CR1: variants seen among roughly 807,000 people sequenced by gnomAD.
The protein encoded by CR1 is complement C3b/C4b receptor 1 (Knops blood group).
Under a neutral mutation model 187.3 loss-of-function variants are expected in CR1, and 116 were observed. The ratio of observed to expected loss-of-function variants is 0.62; its 90% CI spans 0.53 to 0.72. The LOEUF (loss-of-function observed/expected upper bound fraction) is 0.72, where lower values mean the gene tolerates loss of function less well. Among genes scored for constraint, CR1 ranks in the 30% least tolerant of loss-of-function variants. The pLI is 0.00. For missense variants in CR1, 1,731 were observed against 2,110.7 expected, an observed-to-expected ratio of 0.82 and a Z score of 3.52; for synonymous variants, 576 against 747.1, an observed-to-expected ratio of 0.77 and a Z score of 3.73.
At chr1:207,587,673 C>A in intron 34 of CR1, 108 bp downstream of exon 34, 3 of 1,112,132 alleles carry the variant, frequency 2.7e-6, no homozygotes, top group South Asian at 3.6e-5. Flanking sequence ...CCAAGGCTGG[C>A]AGATAGCTTG....
intron 3 of CR1, chr1:207,507,650 C>G (rs1469014563): frequency 6.6e-6 from 1 of 152,256 alleles, no homozygotes; most frequent in African/African-American, 2.4e-5. Flanking sequence ...GTAAGGGGGA[C>G]ACAATTCTCA....
chr1:207,576,100 G>A (rs1441016526), intron 28 of CR1, among the ~76,000 whole-genome samples: 21 of 151,814 alleles, frequency 1.4e-4, no homozygotes, highest in African/African-American at 4.9e-4. Flanking sequence ...TGTCTAAACA[G>A]GATCATGCCA....
chr1:207,612,184 A>C, intron 39 of CR1, 143 bp downstream of exon 39: 7 of 917,874 alleles, frequency 7.6e-6, no homozygotes, highest in Non-Finnish European at 1.2e-5. Context: ...GTTTTGAAAT[A>C]AGGGTAGGGA....
chr1:207,523,911 A>G lies in CR1; in HGVS notation c.788A>G (p.Glu263Gly). The G allele has an allele frequency of 6.2e-7, 1 of 1,610,536 alleles. No individual in the cohort carries two copies. The highest frequency in any genetic ancestry group is 2.2e-5 in the East Asian group (1 of 44,870). Residue 263 changes from glutamate to glycine, a missense_variant, in exon 5 of 47, where the codon GAG (glutamate) becomes GGG (glycine). Physicochemically the swap from Glu to Gly is moderately conservative, Grantham distance 98. Around this residue, in one of 5 missense-constraint regions of CR1, gnomAD observed 131 missense variants for 196.8 expected, o/e 0.67. Coordinates refer to ENST00000367049, the MANE Select transcript of CR1 (RefSeq NM_000651.6). ...TTATTTTCCTTAAATGAAGTTGTGG[A>G]GTTTAGGTGTCAGCCTGGCTTTGTC... Reference protein sequence around the residue: ...RSLFSLNEVVEFRCQPGFVMK... With the variant: ...RSLFSLNEVVGFRCQPGFVMK...
At chr1:207,621,836 C>A (rs1662322000) in intron 43 of CR1, 137 bp from the exon 44 acceptor site, 1 of 532,388 alleles carries the variant, frequency 1.9e-6, no homozygotes, top group South Asian at 3.1e-5. Context: ...TGAATGAAAC[C>A]AATGGCTTTT....
At chr1:207,501,543 T>C (rs909323380) in intron 1 of CR1, among the ~76,000 whole-genome samples, 3 of 152,254 alleles carry the variant, frequency 2.0e-5, no homozygotes, top group Admixed American at 6.5e-5. Context: ...CATCAAGCTT[T>C]CTTTGTTGAA....
At chr1:207,587,662 G>T in intron 34 of CR1, 97 bp downstream of exon 34, 1 of 1,198,778 alleles carries the variant, frequency 8.3e-7, no homozygotes, top group South Asian at 1.7e-5. Flanking sequence ...ACTTTGGGAG[G>T]CCAAGGCTGG....
At chr1:207,613,898 C>T (rs566254033) in intron 39 of CR1, among the ~76,000 whole-genome samples, 1 of 152,240 alleles carries the variant, frequency 6.6e-6, no homozygotes, top group African/African-American at 2.4e-5. Context: ...CTGTGAGCCT[C>T]CTCTGGCCTG....
chr1:207,508,631 G>A (rs1311343497), intron 3 of CR1, among the ~76,000 whole-genome samples: 1 of 152,008 alleles, frequency 6.6e-6, no homozygotes, highest in Non-Finnish European at 1.5e-5. Flanking sequence ...TTTGCAAAAT[G>A]TTATTATTAG....
chr1:207,516,618 A>G (rs1026776951), intron 4 of CR1, among the ~76,000 whole-genome samples: 1 of 152,156 alleles, frequency 6.6e-6, no homozygotes, highest in African/African-American at 2.4e-5. Context: ...TTGAAGTTTA[A>G]ATTTATGAAT....
At chr1:207,576,723 G>C (rs1040994640) in intron 28 of CR1, among the ~76,000 whole-genome samples, 13 of 152,062 alleles carry the variant, frequency 8.5e-5, no homozygotes, top group Non-Finnish European at 1.8e-4. Context: ...GAGACTGAGA[G>C]GTGGGAGGAT....
At chr1:207,512,985 A>G (rs1325264370) in intron 4 of CR1, among the ~76,000 whole-genome samples, 1 of 152,178 alleles carries the variant, frequency 6.6e-6, no homozygotes, top group East Asian at 1.9e-4. Flanking sequence ...TCCTCAAGAG[A>G]ATCCAGTCTC....
intron 4 of CR1, among the ~76,000 whole-genome samples, chr1:207,516,540 C>T (rs1190022654): frequency 6.6e-6 from 1 of 152,140 alleles, no homozygotes; most frequent in Non-Finnish European, 1.5e-5. Flanking sequence ...AAGAATCCTA[C>T]TTGAATTTGT....
At position 207,581,935 on chromosome 1, in the gene CR1, G is replaced by T; in HGVS notation, c.5234G>T (p.Ser1745Ile). Residue 1745 changes from serine to isoleucine, a missense_variant, in exon 32 of 47, where the codon AGT becomes ATT. Coordinates refer to ENST00000367049, the MANE Select transcript of CR1 (RefSeq NM_000651.6). ...TTCTTTAGGTTTCGCTTAAAGGGCAGTTCCGTTAGTCATTGTGTCTTGGTT... is the reference window on the plus strand; with the variant it reads ...TTCTTTAGGTTTCGCTTAAAGGGCATTTCCGTTAGTCATTGTGTCTTGGTT... ...VCDEGFRLKG[S>I]SVSHCVLVGM... 2 of 1,613,222 alleles carry T rather than the reference G, an allele frequency of 1.2e-6. No homozygotes were observed. The highest frequency in any genetic ancestry group is 1.7e-6 in the Non-Finnish European group (2 of 1,179,324).
chr1:207,621,339 T>A (rs1662309278), intron 43 of CR1, among the ~76,000 whole-genome samples: 1 of 152,082 alleles, frequency 6.6e-6, no homozygotes, highest in Admixed American at 6.5e-5. Context: ...AAAGCAAGGA[T>A]GTGATGAAAC....
chr1:207,573,996 G>A (rs1660657508), intron 27 of CR1, among the ~76,000 whole-genome samples: 1 of 152,152 alleles, frequency 6.6e-6, no homozygotes, highest in African/African-American at 2.4e-5. Flanking sequence ...AGCTGGGCAT[G>A]GCAGCATATG....
chr1:207,515,619 G>A (rs1455361481), intron 4 of CR1, among the ~76,000 whole-genome samples: 1 of 152,054 alleles, frequency 6.6e-6, no homozygotes, highest in East Asian at 1.9e-4. Context: ...GTTTTTGCAG[G>A]AAGGATTGTT....
At chr1:207,608,338 G>A (rs989531891) in intron 36 of CR1, among the ~76,000 whole-genome samples, 3 of 152,054 alleles carry the variant, frequency 2.0e-5, no homozygotes, top group African/African-American at 7.2e-5. Context: ...CACCAAATAT[G>A]GTAGTATAGA....
At chr1:207,639,246 C>T in intron 46 of CR1, 151 bp from the exon 47 acceptor site, 4 of 622,418 alleles carry the variant, frequency 6.4e-6, no homozygotes, top group South Asian at 2.4e-5. Context: ...ATAACATTTC[C>T]CTCCAAATGT....
Sources: allele counts gnomAD v4.1 joint callset (sites outside exome capture counted in the v4.1 genomes callset), GRCh38; gene constraint gnomAD v4.1.1; regional missense constraint gnomAD v4.1.1; transcripts MANE v1.5; gene names NCBI Gene and HGNC (gene_info 2026-07-23, HGNC 2026-07-21).